NAALADL2: variants seen among roughly 807,000 people sequenced by gnomAD.
NAALADL2 encodes the protein N-acetylated alpha-linked acidic dipeptidase like 2, also known as inactive N-acetylated-alpha-linked acidic dipeptidase-like protein 2.
Under a neutral mutation model 87.2 loss-of-function variants are expected in NAALADL2, and 76 were observed. The observed-to-expected ratio is 0.87, with a 90% CI of 0.72 to 1.05. The LOEUF is 1.05. Among genes scored for constraint, NAALADL2 ranks in the 50% least tolerant of loss-of-function variants. NAALADL2 has a pLI of 0.00. For missense variants in NAALADL2, 1,089 were observed against 945.8 expected, an observed-to-expected ratio of 1.15 and a Z score of -1.99; for synonymous variants, 354 against 331.0, an observed-to-expected ratio of 1.07 and a Z score of -0.75.
At chr3:174,767,167 C>A (rs4425274) in intron 3 of NAALADL2, among the ~76,000 whole-genome samples, 80,619 of 152,004 alleles carry the variant, frequency 0.53, 21,732 homozygotes, top group Middle Eastern at 0.64. Context: ...ATTAGCACAA[C>A]TGAGCACTTC....
At chr3:174,883,471 C>A (rs1381385546) in intron 1 of NAALADL2, among the ~76,000 whole-genome samples, 1 of 152,144 alleles carries the variant, frequency 6.6e-6, no homozygotes, top group African/African-American at 2.4e-5. Context: ...CACTGATCCC[C>A]AACCCAAATA....
chr3:175,659,852 G>A (rs1447167372), intron 11 of NAALADL2, among the ~76,000 whole-genome samples: 1 of 152,140 alleles, frequency 6.6e-6, no homozygotes, highest in Non-Finnish European at 1.5e-5. Context: ...TTGTTAGTCA[G>A]CATGCTTCCA....
chr3:175,631,449 T>G (rs1727750528), intron 11 of NAALADL2, among the ~76,000 whole-genome samples: 1 of 134,598 alleles, frequency 7.4e-6, no homozygotes, highest in Admixed American at 7.6e-5. Context: ...TCCCTGTAGT[T>G]CTTTTTTTTT....
At chr3:174,794,667 T>C (rs1717860761) in intron 3 of NAALADL2, among the ~76,000 whole-genome samples, 1 of 152,178 alleles carries the variant, frequency 6.6e-6, no homozygotes, top group African/African-American at 2.4e-5. Flanking sequence ...CTATCTAATT[T>C]AAACTTTTTA....
chr3:175,214,247 T>TA (rs946195595), intron 2 of NAALADL2, among the ~76,000 whole-genome samples: 4 of 151,592 alleles, frequency 2.6e-5, no homozygotes, highest in African/African-American at 2.4e-5. Flanking sequence ...ATGAAAGTAA[T>TA]AAAAAAAAAT....
intron 9 of NAALADL2, among the ~76,000 whole-genome samples, chr3:175,502,178 A>G (rs1384852892): frequency 6.6e-6 from 1 of 151,914 alleles, no homozygotes; most frequent in Admixed American, 6.6e-5. Context: ...TATGATGGTT[A>G]GTTTTGTTAA....
intron 5 of NAALADL2, among the ~76,000 whole-genome samples, chr3:175,428,504 A>G (rs1560535076): frequency 6.6e-6 from 1 of 152,116 alleles, no homozygotes; most frequent in African/African-American, 2.4e-5. Context: ...TGAGAAGTTC[A>G]GCCCAGGGTG....
At chr3:175,667,220 AAAGAAAG>A (rs1733214837) in intron 11 of NAALADL2, among the ~76,000 whole-genome samples, 2 of 126,204 alleles carry the variant, frequency 1.6e-5, no homozygotes, top group South Asian at 2.4e-4. Context: ...AGAAAGAAAG[AAAGAAAG>A]AAAGAAAGAA....
At chr3:175,182,501 A>G (rs1736714881) in intron 2 of NAALADL2, among the ~76,000 whole-genome samples, 1 of 147,438 alleles carries the variant, frequency 6.8e-6, no homozygotes, top group Non-Finnish European at 1.5e-5. Context: ...AGCCCTTCCA[A>G]CTGAGCTTCC....
At chr3:175,156,348 T>C (rs564306461) in intron 2 of NAALADL2, among the ~76,000 whole-genome samples, 1 of 152,212 alleles carries the variant, frequency 6.6e-6, no homozygotes, top group South Asian at 2.1e-4. Context: ...TCAGTGTAGA[T>C]AGTATTATTA....
intron 9 of NAALADL2, among the ~76,000 whole-genome samples, chr3:175,572,577 T>C (rs902196893): frequency 6.6e-6 from 1 of 152,160 alleles, no homozygotes; most frequent in Non-Finnish European, 1.5e-5. Context: ...CCTTTTGATT[T>C]GCCTGAACAA....
intron 1 of NAALADL2, among the ~76,000 whole-genome samples, chr3:175,062,921 TTATAAA>T (rs1293337643): frequency 6.6e-6 from 1 of 152,180 alleles, no homozygotes; most frequent in African/African-American, 2.4e-5. Context: ...CCTATTTCAC[TTATAAA>T]TATATCTCTG....
chr3:175,234,910 C>T (rs1314468388), intron 3 of NAALADL2: 1 of 151,998 alleles, frequency 6.6e-6, no homozygotes, highest in Non-Finnish European at 1.5e-5. Flanking sequence ...GAAAAAATTA[C>T]AAATATATGT....
intron 9 of NAALADL2, among the ~76,000 whole-genome samples, chr3:175,481,848 A>T (rs889576247): frequency 6.6e-6 from 1 of 152,004 alleles, no homozygotes; most frequent in Admixed American, 6.6e-5. Context: ...ACAGAACTAT[A>T]TATTATACAA....
intron 1 of NAALADL2, among the ~76,000 whole-genome samples, chr3:175,014,880 CCT>C (rs1342703164): frequency 1.3e-5 from 2 of 151,768 alleles, no homozygotes; most frequent in Non-Finnish European, 1.5e-5. Flanking sequence ...TGTTTTATTC[CCT>C]CTTTCTCTCT....
chr3:174,764,599 ACTCTGT>A (rs1694266829), intron 3 of NAALADL2, among the ~76,000 whole-genome samples: 1 of 152,224 alleles, frequency 6.6e-6, no homozygotes, highest in African/African-American at 2.4e-5. Flanking sequence ...ACAGAGCGAC[ACTCTGT>A]CTCAAAATAA....
chr3:175,041,020 G>A (rs577548262), intron 1 of NAALADL2, among the ~76,000 whole-genome samples: 3 of 152,172 alleles, frequency 2.0e-5, no homozygotes, highest in Non-Finnish European at 2.9e-5. Context: ...AGCTTGAAAA[G>A]TTGCTTTTTA....
intron 5 of NAALADL2, among the ~76,000 whole-genome samples, chr3:175,424,160 G>T (rs1560528424): frequency 6.6e-6 from 1 of 152,258 alleles, no homozygotes; most frequent in East Asian, 1.9e-4. Context: ...GTAGATTCTG[G>T]ATATTAGCCC....
intron 1 of NAALADL2, among the ~76,000 whole-genome samples, chr3:174,935,201 C>T (rs892384646): frequency 5.3e-5 from 8 of 152,016 alleles, no homozygotes; most frequent in African/African-American, 1.9e-4. Context: ...GTGTAATGTT[C>T]TGACTCAGCA....
Sources: allele counts gnomAD v4.1 joint callset (sites outside exome capture counted in the v4.1 genomes callset), GRCh38; gene constraint gnomAD v4.1.1; transcripts MANE v1.5; gene names NCBI Gene and HGNC (gene_info 2026-07-23, HGNC 2026-07-21).